The following CDH18 variants were observed in gnomAD, a reference collection of about 807,000 sequenced individuals.
The protein encoded by CDH18 is cadherin-18.
In CDH18, 31 loss-of-function variants were observed where a neutral mutation model predicts 67.9. That is an observed-to-expected ratio of 0.46 (90% confidence interval 0.34 to 0.62). The LOEUF (loss-of-function observed/expected upper bound fraction) is 0.62, where lower values mean the gene tolerates loss of function less well. Among genes scored for constraint, CDH18 ranks in the 20% least tolerant of loss-of-function variants. The pLI, the probability that CDH18 is intolerant of heterozygous loss-of-function variation, is 0.01. For missense variants in CDH18, 890 were observed against 975.5 expected, an observed-to-expected ratio of 0.91 and a Z score of 1.17; for synonymous variants, 362 against 347.2, an observed-to-expected ratio of 1.04 and a Z score of -0.48.
chr5:20,433,123 G>A (rs2150178813), intron 1 of CDH18, among the ~76,000 whole-genome samples: 1 of 150,996 alleles, frequency 6.6e-6, no homozygotes, highest in South Asian at 2.1e-4. Flanking sequence ...GGTCACTTTA[G>A]GGGCTAAATT....
intron 2 of CDH18, among the ~76,000 whole-genome samples, chr5:19,852,939 AT>A (rs11350791): frequency 0.29 from 43,659 of 151,900 alleles, 7,634 homozygotes; most frequent in Non-Finnish European, 0.38. Flanking sequence ...ATGAAATTGG[AT>A]GTGTACATCA....
intron 1 of CDH18, among the ~76,000 whole-genome samples, chr5:20,400,410 G>A (rs1403558523): frequency 6.6e-6 from 1 of 151,924 alleles, no homozygotes; most frequent in Admixed American, 6.6e-5. Flanking sequence ...GCCAGGAGAC[G>A]GAGGTTGCAG....
intron 2 of CDH18, among the ~76,000 whole-genome samples, chr5:20,231,393 T>C (rs1742060575): frequency 1.3e-5 from 2 of 152,012 alleles, no homozygotes; most frequent in African/African-American, 4.8e-5. Flanking sequence ...GCAGATCACC[T>C]GAGGTCAGGA....
intron 2 of CDH18, among the ~76,000 whole-genome samples, chr5:19,895,127 T>C (rs1789172546): frequency 6.6e-6 from 1 of 152,164 alleles, no homozygotes. Flanking sequence ...GATAGAGGCA[T>C]GTTGGCTGAA....
At chr5:20,403,034 A>T (rs1014391508) in intron 1 of CDH18, among the ~76,000 whole-genome samples, 4 of 148,686 alleles carry the variant, frequency 2.7e-5, no homozygotes, top group African/African-American at 9.8e-5. Context: ...AAAAAAAAAA[A>T]TAGCGAGGTG....
chr5:20,549,671 G>A (rs757995158), intron 1 of CDH18, among the ~76,000 whole-genome samples: 1 of 152,072 alleles, frequency 6.6e-6, no homozygotes, highest in African/African-American at 2.4e-5. Context: ...AGTAAAGAAG[G>A]AAGGGTCACG....
At chr5:19,945,474 AC>A (rs1263578798) in intron 2 of CDH18, among the ~76,000 whole-genome samples, 3 of 152,166 alleles carry the variant, frequency 2.0e-5, no homozygotes, top group Non-Finnish European at 2.9e-5. Flanking sequence ...TTAATCCAAA[AC>A]CTGTCATCAT....
intron 1 of CDH18, among the ~76,000 whole-genome samples, chr5:20,280,901 A>T (rs961693719): frequency 7.9e-5 from 12 of 152,148 alleles, no homozygotes; most frequent in Non-Finnish European, 1.2e-4. Flanking sequence ...ATCGCCATTC[A>T]AACTGGTGTG....
intron 2 of CDH18, among the ~76,000 whole-genome samples, chr5:19,879,625 G>A (rs1787402679): frequency 1.3e-5 from 2 of 151,968 alleles, no homozygotes; most frequent in Non-Finnish European, 2.9e-5. Context: ...GAACAACACT[G>A]TGATTGCAGC....
intron 5 of CDH18, among the ~76,000 whole-genome samples, chr5:19,720,468 T>G (rs183192603): frequency 9.2e-5 from 14 of 152,262 alleles, no homozygotes; most frequent in African/African-American, 3.4e-4. Context: ...ACTTGAGATT[T>G]GTTACTGAAC....
At chr5:20,289,760 G>A (rs1437405882) in intron 1 of CDH18, among the ~76,000 whole-genome samples, 1 of 151,740 alleles carries the variant, frequency 6.6e-6, no homozygotes, top group Non-Finnish European at 1.5e-5. Flanking sequence ...TACGATTAAG[G>A]AAAACACTGA....
intron 6 of CDH18, among the ~76,000 whole-genome samples, chr5:19,595,675 A>G (rs1746055670): frequency 6.6e-6 from 1 of 152,224 alleles, no homozygotes; most frequent in Admixed American, 6.5e-5. Context: ...GTATAATTTT[A>G]AATGTGCATG....
intron 2 of CDH18, among the ~76,000 whole-genome samples, chr5:19,909,402 T>G (rs1263181540): frequency 6.7e-6 from 1 of 150,358 alleles, no homozygotes; most frequent in East Asian, 2.0e-4. Context: ...CGGGTTCAAG[T>G]GATTCTCCTG....
chr5:19,837,148 C>G (rs1185316989), intron 3 of CDH18, among the ~76,000 whole-genome samples: 1 of 152,110 alleles, frequency 6.6e-6, no homozygotes, highest in Non-Finnish European at 1.5e-5. Flanking sequence ...TCGCAGCAAA[C>G]TAACACAGAA....
Position 20,187,478 on chromosome 5 carries a change from C to T in CDH18, c.-518+67966G>A, listed in dbSNP as rs189820323. 8.2e-4 allele frequency among the ~76,000 whole-genome samples: 124 copies of T among 151,908 alleles called. 1 individual carries two copies. The highest frequency in any genetic ancestry group is 2.7e-3 in the African/African-American group (114 of 41,516). On this transcript the variant is annotated intron_variant, in intron 2 of 14. Coordinates refer to the CDH18 transcript ENST00000507958. ...TAAATTATGAAAGGCTGATTTCAAA[C>T]TAAATGTACCTGGGCTCCAAATTTT...
chr5:20,102,841 C>A (rs563558862), intron 2 of CDH18, among the ~76,000 whole-genome samples: 7 of 152,140 alleles, frequency 4.6e-5, no homozygotes, highest in African/African-American at 1.7e-4. Context: ...TAAAGGATAA[C>A]CATCTGTGAC....
At chr5:19,493,537 G>GGTGTGTGTGTGTGT (rs67879363) in intron 11 of CDH18, among the ~76,000 whole-genome samples, 41 of 148,034 alleles carry the variant, frequency 2.8e-4, no homozygotes, top group African/African-American at 1.0e-3. Flanking sequence ...AGGGAATTGG[G>GGTGTGTGTGTGTGT]GTGTGTGTGT....
rs144507931 is a variant in CDH18, at chr5:19,644,892, C to T, written c.644-32291G>A. Among the ~76,000 whole-genome samples, 1,084 of 152,268 alleles carry T rather than the reference C, an allele frequency of 7.1e-3. 5 individuals carry two copies. Among genetic ancestry groups the T allele is most frequent in the Non-Finnish European group, 0.011 (727 of 68,024 alleles). The stretch of plus-strand genomic sequence containing the variant: ...AGCACATCTGAGACAAGCTCAGGCT[C>T]GCCAACCATACTGGCTAAAGGTGCA... On this transcript the variant is annotated intron_variant, in intron 5 of 12. Transcript: ENST00000382275.
At chr5:20,423,168 A>G (rs779948822) in intron 1 of CDH18, among the ~76,000 whole-genome samples, 1 of 151,374 alleles carries the variant, frequency 6.6e-6, no homozygotes, top group Non-Finnish European at 1.5e-5. Context: ...TCTCCAGTTC[A>G]GCTCTGGCAA....
Sources: gnomAD v4.1 joint callset for allele counts (sites outside exome capture counted in the v4.1 genomes callset) on GRCh38, gnomAD v4.1.1 for gene constraint, MANE v1.5 for transcripts, NCBI Gene and HGNC (gene_info 2026-07-23, HGNC 2026-07-21) for gene names.